Variants in INPP4B observed in about 807,000 individuals in gnomAD.
The protein encoded by INPP4B is inositol polyphosphate-4-phosphatase type II B, also known as inositol polyphosphate 4-phosphatase type II.
INPP4B carries 55 observed loss-of-function variants against 122.5 expected under a neutral mutation model. That is an observed-to-expected ratio of 0.45 (90% CI 0.36 to 0.56). The LOEUF (loss-of-function observed/expected upper bound fraction) is 0.56, where lower values mean the gene tolerates loss of function less well. INPP4B is among the 20% of genes least tolerant of loss of function. The pLI, the probability that INPP4B is intolerant of heterozygous loss-of-function variation, is 0.00. For synonymous variants in INPP4B, 403 were observed against 388.7 expected (o/e 1.04, Z -0.43); for missense variants, 1,000 against 1,097.7 (o/e 0.91, Z 1.26).
At chr4:142,167,695 T>C (rs1185551337) in intron 16 of INPP4B, among the ~76,000 whole-genome samples, 1 of 151,790 alleles carries the variant, frequency 6.6e-6, no homozygotes, top group African/African-American at 2.4e-5. Context: ...ACTAGTATGT[T>C]ACAAAGGACG....
At chr4:142,550,005 G>A (rs937015118) in intron 2 of INPP4B, among the ~76,000 whole-genome samples, 2 of 152,164 alleles carry the variant, frequency 1.3e-5, no homozygotes, top group African/African-American at 4.8e-5. Flanking sequence ...ATTTGAGCCT[G>A]TTCTAGCAGG....
At position 142,759,825 on chromosome 4, in the gene INPP4B, T is replaced by TAAAAAAAAAA. The variant is rs70949188; in HGVS notation, c.-253-33934_-253-33925dup. 4.5e-3 allele frequency among the ~76,000 whole-genome samples: 317 copies of TAAAAAAAAAA among 70,030 alleles called. 9 individuals are homozygous for TAAAAAAAAAA. Among genetic ancestry groups the TAAAAAAAAAA allele is most frequent in the African/African-American group, 0.017 (310 of 17,876 alleles). The allele number at this position is 70,030 out of a possible 152,430, so 45.9% of individuals were successfully genotyped here. On this transcript the variant is annotated intron_variant, in intron 1 of 25. Coordinates refer to ENST00000262992, the MANE Select transcript of INPP4B (RefSeq NM_001101669.3). Reference sequence around the variant, plus strand: ...CCCAGAGCTTATATAGAGCTTTTTCTAAAAAAAAAAAAAAAAAAAAAAAAA... The same window carrying TAAAAAAAAAA: ...CCCAGAGCTTATATAGAGCTTTTTCTAAAAAAAAAAAAAAAAAAAAAAAAAAAAAAAAAAA...
At chr4:142,794,037 T>C (rs1222614523) in intron 1 of INPP4B, among the ~76,000 whole-genome samples, 1 of 152,090 alleles carries the variant, frequency 6.6e-6, no homozygotes, top group Non-Finnish European at 1.5e-5. Context: ...GGGTTATTTT[T>C]GGTGATAGTG....
chr4:142,193,420 GACT>G (rs889760841), intron 14 of INPP4B, among the ~76,000 whole-genome samples: 2 of 152,084 alleles, frequency 1.3e-5, no homozygotes, highest in Admixed American at 6.6e-5. Flanking sequence ...CCTGATTTAT[GACT>G]ACATCTTAAT....
chr4:142,542,026 G>A (rs1457118132), intron 2 of INPP4B, among the ~76,000 whole-genome samples: 2 of 152,164 alleles, frequency 1.3e-5, no homozygotes, highest in Non-Finnish European at 1.5e-5. Flanking sequence ...GAACCCTAGA[G>A]GGTGGATTTC....
At chr4:142,046,186 A>G (rs1026021610) in intron 25 of INPP4B, among the ~76,000 whole-genome samples, 10 of 152,136 alleles carry the variant, frequency 6.6e-5, no homozygotes, top group African/African-American at 2.4e-4. Flanking sequence ...AATAAGAAAA[A>G]GTGTTATTTA....
At chr4:142,046,070 T>TA (rs3841997) in intron 25 of INPP4B, among the ~76,000 whole-genome samples, 106,464 of 151,372 alleles carry the variant, frequency 0.7, 40,906 homozygotes, top group Non-Finnish European at 0.85. Flanking sequence ...TTATTGGTAA[T>TA]AAAAAAATGT....
Position 142,722,675 on chromosome 4 carries a change from G to T in INPP4B, c.-191+3164C>A, listed in dbSNP as rs74692934. On this transcript the variant is annotated intron_variant, in intron 2 of 25. Transcript: ENST00000262992. ...TCACTTCTCCATAAAAATGTTCAAT[G>T]ATTTATTCTCTGATTTGCAGTTTAA... Among the ~76,000 whole-genome samples the T allele has an allele frequency of 8.5e-3, 1,292 of 152,162 alleles. 13 individuals are homozygous for T. Among genetic ancestry groups the T allele is most frequent in the African/African-American group, 0.028 (1,178 of 41,530 alleles).
At chr4:142,524,315 C>T (rs1432755564) in intron 2 of INPP4B, among the ~76,000 whole-genome samples, 3 of 152,004 alleles carry the variant, frequency 2.0e-5, no homozygotes, top group South Asian at 2.1e-4. Flanking sequence ...CTCTCCAGCA[C>T]CTGTTGTTTC....
At chr4:142,211,623 T>A (rs1844936224) in intron 12 of INPP4B, among the ~76,000 whole-genome samples, 1 of 152,206 alleles carries the variant, frequency 6.6e-6, no homozygotes, top group Non-Finnish European at 1.5e-5. Flanking sequence ...TATTTGGTCA[T>A]GTGAAACAAA....
At chr4:142,353,081 G>A (rs905784343) in intron 7 of INPP4B, among the ~76,000 whole-genome samples, 1 of 151,726 alleles carries the variant, frequency 6.6e-6, no homozygotes, top group Non-Finnish European at 1.5e-5. Context: ...AGCATTAAAA[G>A]GTAAAAAGCC....
intron 21 of INPP4B, 45 bp downstream of exon 21, chr4:142,122,083 A>G (rs768181580): frequency 8.2e-7 from 1 of 1,216,560 alleles, no homozygotes; most frequent in Non-Finnish European, 1.2e-6. Context: ...AGTTAACACG[A>G]CATGTCTAAC....
intron 2 of INPP4B, among the ~76,000 whole-genome samples, chr4:142,557,006 C>A (rs571953691): frequency 7.4e-4 from 112 of 152,272 alleles, no homozygotes; most frequent in Admixed American, 1.4e-3. Flanking sequence ...CCTGTCGTGA[C>A]CACCGGAGGA....
rs70949190 is a variant in INPP4B at position 142,798,846 on chromosome 4, TTG to T, written c.-254+47361_-254+47362del. 1.5e-4 allele frequency among the ~76,000 whole-genome samples: 22 copies of T among 149,078 alleles called. No homozygotes were observed. In the East Asian group the frequency reaches 1.8e-3, roughly 12 times the overall value. On this transcript the variant is annotated intron_variant, in intron 1 of 25. Transcript: ENST00000262992. The stretch of plus-strand genomic sequence containing the variant: ...ACAATGTGTATGTATGTGTATATGT[TTG>T]TGTGTGTGTGTGTGTGTGTGTATAA...
chr4:142,028,857 G>GA lies in INPP4B; in HGVS notation c.2699dup (p.Asn901GlnfsTer23). On this transcript the variant is annotated frameshift_variant, in exon 26 of 26. Transcript: ENST00000262992. LOFTEE classifies it high-confidence loss of function. ...GGAAAGCCATCAGCTGTAGCATGTT[G>GA]AAAGCATACTTTCTGCATTTGATAT... The GA allele has an allele frequency of 6.2e-7, 1 of 1,613,578 alleles. No individual in the cohort carries two copies. The highest frequency in any genetic ancestry group is 8.5e-7 in the Non-Finnish European group (1 of 1,179,668).
rs567096400 is a variant in INPP4B, at chr4:142,276,278, T to C, written c.504-5504A>G. Among the ~76,000 whole-genome samples the C allele has an allele frequency of 3.3e-5, 5 of 152,028 alleles. No individual in the cohort carries two copies. In the East Asian group the frequency reaches 9.7e-4, roughly 29 times the overall value. ...AAGCTCTACTTTCACTATTTTATTT[T>C]TTTCCTATTAAAAGTCCTTAGACAT... On this transcript the variant is annotated intron_variant, in intron 9 of 25. Transcript: ENST00000262992.
intron 1 of INPP4B, among the ~76,000 whole-genome samples, chr4:142,798,435 T>A (rs1356980619): frequency 6.6e-6 from 1 of 151,918 alleles, no homozygotes; most frequent in Non-Finnish European, 1.5e-5. Flanking sequence ...AGAATGTGAA[T>A]ATTTTCTACT....
At chr4:142,160,335 C>A in intron 17 of INPP4B, 23 bp downstream of exon 17, 2 of 1,371,168 alleles carry the variant, frequency 1.5e-6, no homozygotes, top group Non-Finnish European at 1.9e-6. Flanking sequence ...CATTGAGAGG[C>A]AAGCGATATA....
At chr4:142,262,266 C>T (rs1296158453) in intron 10 of INPP4B, among the ~76,000 whole-genome samples, 2 of 152,132 alleles carry the variant, frequency 1.3e-5, no homozygotes, top group Non-Finnish European at 2.9e-5. Context: ...TTTCTCCCTG[C>T]CCCATGAATC....
Sources: allele counts gnomAD v4.1 joint callset (sites outside exome capture counted in the v4.1 genomes callset), GRCh38; gene constraint gnomAD v4.1.1; transcripts MANE v1.5; gene names NCBI Gene and HGNC (gene_info 2026-07-23, HGNC 2026-07-21).